The following GREB1L variants were observed in gnomAD, a reference collection of about 807,000 sequenced individuals.
GREB1L encodes the protein GREB1 like retinoic acid receptor coactivator, also known as GREB1-like protein.
A neutral mutation model predicts 200.8 loss-of-function variants in GREB1L; 17 were observed. The observed-to-expected ratio is 0.08, with a 90% CI of 0.06 to 0.13. GREB1L has a LOEUF of 0.13. Among genes scored for constraint, GREB1L ranks in the 10% least tolerant of loss-of-function variants. GREB1L has a pLI of 1.00. For missense variants in GREB1L, 1,657 were observed against 2,367.7 expected (o/e 0.70, Z 6.23); for synonymous variants, 789 against 893.0 (o/e 0.88, Z 2.08).
At chr18:21,292,389 G>A (rs1293478077) in intron 1 of GREB1L, among the ~76,000 whole-genome samples, 7 of 152,158 alleles carry the variant, frequency 4.6e-5, no homozygotes, top group Admixed American at 2.6e-4. Flanking sequence ...ATAAAAAACA[G>A]CCTTTTAAAG....
At chr18:21,448,293 C>T (rs1403714701) in intron 11 of GREB1L, among the ~76,000 whole-genome samples, 1 of 152,170 alleles carries the variant, frequency 6.6e-6, no homozygotes, top group Non-Finnish European at 1.5e-5. Context: ...CTACCTCTCC[C>T]TGGCCTCCAC....
intron 1 of GREB1L, among the ~76,000 whole-genome samples, chr18:21,333,846 A>G (rs2039144701): frequency 6.6e-6 from 1 of 151,378 alleles, no homozygotes; most frequent in African/African-American, 2.4e-5. Context: ...GCTCAAAGTA[A>G]TGGCATGTAC....
chr18:21,318,549 C>T (rs1598654680), intron 1 of GREB1L, among the ~76,000 whole-genome samples: 1 of 152,224 alleles, frequency 6.6e-6, no homozygotes, highest in East Asian at 1.9e-4. Flanking sequence ...TTGGTCTGTA[C>T]CTTCTAATAT....
intron 19 of GREB1L, among the ~76,000 whole-genome samples, chr18:21,491,885 A>T (rs906315192): frequency 1.3e-5 from 2 of 152,118 alleles, no homozygotes; most frequent in African/African-American, 2.4e-5. Flanking sequence ...AAGTTGTAAC[A>T]TTTATGTTTC....
chr18:21,350,414 T>G (rs1452431289), intron 1 of GREB1L, among the ~76,000 whole-genome samples: 2 of 151,932 alleles, frequency 1.3e-5, no homozygotes, highest in Non-Finnish European at 2.9e-5. Context: ...ATTTTTTGTA[T>G]TTTTAGTAGA....
chr18:21,479,877 C>T (rs1173397389), intron 17 of GREB1L, among the ~76,000 whole-genome samples: 2 of 152,044 alleles, frequency 1.3e-5, no homozygotes. Flanking sequence ...AGTAGCAGAG[C>T]TACATGCACA....
intron 1 of GREB1L, among the ~76,000 whole-genome samples, chr18:21,352,489 G>A (rs1420083554): frequency 6.6e-6 from 1 of 151,684 alleles, no homozygotes; most frequent in African/African-American, 2.4e-5. Context: ...GCTGGAGTGC[G>A]ATGGTGAGAT....
At chr18:21,356,986 T>G (rs1227687220) in intron 1 of GREB1L, among the ~76,000 whole-genome samples, 1 of 152,238 alleles carries the variant, frequency 6.6e-6, no homozygotes, top group East Asian at 1.9e-4. Context: ...GAGAAATGTC[T>G]ATTCAAGTCC....
intron 28 of GREB1L, among the ~76,000 whole-genome samples, chr18:21,514,888 C>T (rs895023091): frequency 6.6e-5 from 10 of 152,158 alleles, no homozygotes; most frequent in African/African-American, 2.4e-4. Context: ...CTGGTCGGGG[C>T]ATCTGTGAGG....
intron 1 of GREB1L, among the ~76,000 whole-genome samples, chr18:21,339,799 A>G (rs553491726): frequency 1.1e-4 from 17 of 152,330 alleles, no homozygotes; most frequent in Admixed American, 8.5e-4. Flanking sequence ...TGTTGGGTCT[A>G]TTGTGTTCAT....
intron 18 of GREB1L, among the ~76,000 whole-genome samples, chr18:21,489,274 C>T (rs1405021103): frequency 6.6e-6 from 1 of 152,096 alleles, no homozygotes; most frequent in African/African-American, 2.4e-5. Flanking sequence ...TTGCTTGGCT[C>T]CCTTGACGGA....
chr18:21,273,994 G>A (rs566770485), intron 1 of GREB1L, among the ~76,000 whole-genome samples: 7 of 152,294 alleles, frequency 4.6e-5, no homozygotes, highest in African/African-American at 1.7e-4. Flanking sequence ...AATAAGATAT[G>A]TAAATACTGT....
At chr18:21,304,598 C>T (rs534683613) in intron 1 of GREB1L, among the ~76,000 whole-genome samples, 2 of 151,924 alleles carry the variant, frequency 1.3e-5, no homozygotes, top group African/African-American at 4.8e-5. Context: ...CATTTGGATA[C>T]AAATAGGTAT....
chr18:21,509,548 T>C (rs992170846), intron 27 of GREB1L, among the ~76,000 whole-genome samples: 1 of 152,236 alleles, frequency 6.6e-6, no homozygotes, highest in African/African-American at 2.4e-5. Flanking sequence ...TGCCTTTTCA[T>C]GTCCTTCAAC....
At chr18:21,250,173 C>A (rs901209126) in intron 1 of GREB1L, among the ~76,000 whole-genome samples, 1 of 152,010 alleles carries the variant, frequency 6.6e-6, no homozygotes, top group African/African-American at 2.4e-5. Context: ...AGCGAGGGAG[C>A]GAGTGGGGGA....
At chr18:21,456,190 G>A (rs1219546940) in intron 15 of GREB1L, among the ~76,000 whole-genome samples, 1 of 152,110 alleles carries the variant, frequency 6.6e-6, no homozygotes, top group African/African-American at 2.4e-5. Context: ...ACAGGCATAA[G>A]CCACCATACC....
chr18:21,359,171 A>AG (rs2039547580), intron 1 of GREB1L, among the ~76,000 whole-genome samples: 1 of 152,218 alleles, frequency 6.6e-6, no homozygotes, highest in Admixed American at 6.5e-5. Flanking sequence ...ATAAGAAATC[A>AG]GGGGCTGGGC....
At chr18:21,497,488 C>G (rs1335688032) in intron 21 of GREB1L, among the ~76,000 whole-genome samples, 1 of 151,896 alleles carries the variant, frequency 6.6e-6, no homozygotes, top group Admixed American at 6.6e-5. Context: ...ACTAAAAATA[C>G]AAACAATTAG....
At chr18:21,432,191 G>A (rs2145111113) in intron 7 of GREB1L, among the ~76,000 whole-genome samples, 2 of 152,062 alleles carry the variant, frequency 1.3e-5, no homozygotes, top group South Asian at 4.2e-4. Context: ...CCAAAGTCCT[G>A]GGATTACAGG....
Sources: allele counts gnomAD v4.1 joint callset (sites outside exome capture counted in the v4.1 genomes callset), GRCh38; gene constraint gnomAD v4.1.1; transcripts MANE v1.5; gene names NCBI Gene and HGNC (gene_info 2026-07-23, HGNC 2026-07-21).